Variants in BTBD10 observed in about 807,000 individuals in gnomAD.
BTBD10 encodes BTB domain containing 10, also known as BTB/POZ domain-containing protein 10.
BTBD10 carries 21 observed loss-of-function variants against 53.2 expected under a neutral mutation model. The ratio of observed to expected loss-of-function variants is 0.39; its 90% CI spans 0.28 to 0.57. The LOEUF is 0.57. BTBD10 is among the 20% of genes least tolerant of loss of function. The pLI, the probability that BTBD10 is intolerant of heterozygous loss-of-function variation, is 0.53. For synonymous variants in BTBD10, 149 were observed against 192.7 expected, an observed-to-expected ratio of 0.77 and a Z score of 1.88; for missense variants, 360 against 594.7, an observed-to-expected ratio of 0.61 and a Z score of 4.10.
In BTBD10 at chr11:13,455,988, C is replaced by T. The variant is rs542940090; in HGVS notation, c.-58+7104G>A. 2.4e-4 allele frequency among the ~76,000 whole-genome samples: 37 copies of T among 152,188 alleles called. No individual in the cohort carries two copies. In the South Asian group the frequency reaches 5.0e-3, roughly 20 times the overall value. On this transcript the variant is annotated intron_variant, in intron 1 of 8. Coordinates refer to ENST00000278174, the MANE Select transcript of BTBD10 (RefSeq NM_032320.7). Reference sequence around the variant, plus strand: ...AGACTGTAGCACTCACTGCTCAGCGCGACTTTCCATTATCACAACAGTGTG... The same window carrying T: ...AGACTGTAGCACTCACTGCTCAGCGTGACTTTCCATTATCACAACAGTGTG...
At chr11:13,457,781 T>C (rs978556946) in intron 1 of BTBD10, among the ~76,000 whole-genome samples, 1 of 152,174 alleles carries the variant, frequency 6.6e-6, no homozygotes, top group Non-Finnish European at 1.5e-5. Context: ...GTGTATGTAA[T>C]ATTCATATGT....
At chr11:13,433,208 G>T (rs1229081617) in intron 2 of BTBD10, among the ~76,000 whole-genome samples, 1 of 152,060 alleles carries the variant, frequency 6.6e-6, no homozygotes, top group African/African-American at 2.4e-5. Context: ...TCCAAGGCAG[G>T]CCTTAGAAAC....
chr11:13,429,561 A>G (rs893456071), intron 2 of BTBD10, among the ~76,000 whole-genome samples: 3 of 152,016 alleles, frequency 2.0e-5, no homozygotes, highest in African/African-American at 7.2e-5. Context: ...TTTTCATCAA[A>G]TGGTGCTGGA....
chr11:13,431,028 C>A (rs578094073), intron 2 of BTBD10, among the ~76,000 whole-genome samples: 21 of 149,076 alleles, frequency 1.4e-4, no homozygotes, highest in Admixed American at 3.4e-4. Context: ...GCAAATTGTA[C>A]ACCAGAATTG....
chr11:13,424,414 A>G (rs1057401396), intron 2 of BTBD10, among the ~76,000 whole-genome samples: 1 of 152,232 alleles, frequency 6.6e-6, no homozygotes, highest in Non-Finnish European at 1.5e-5. Flanking sequence ...ATACACTTTC[A>G]TATTTTCTTT....
At chr11:13,411,656 A>C (rs1949948316) in intron 6 of BTBD10, among the ~76,000 whole-genome samples, 1 of 152,208 alleles carries the variant, frequency 6.6e-6, no homozygotes. Flanking sequence ...AACTACGCAC[A>C]ACAAAAGATT....
intron 2 of BTBD10, among the ~76,000 whole-genome samples, chr11:13,442,431 A>C (rs1173959760): frequency 6.6e-6 from 1 of 152,172 alleles, no homozygotes; most frequent in Non-Finnish European, 1.5e-5. Context: ...TGCTATTTAC[A>C]AGTTGGATGG....
At chr11:13,418,308 A>G (rs1950165314) in intron 4 of BTBD10, among the ~76,000 whole-genome samples, 1 of 152,104 alleles carries the variant, frequency 6.6e-6, no homozygotes, top group African/African-American at 2.4e-5. Context: ...AAAAGAAGAT[A>G]CTCTTTCAGG....
chr11:13,439,525 A>G (rs1159429931), intron 2 of BTBD10, among the ~76,000 whole-genome samples: 1 of 152,122 alleles, frequency 6.6e-6, no homozygotes, highest in Non-Finnish European at 1.5e-5. Flanking sequence ...GAAAATTTCA[A>G]TTATTTCATT....
At chr11:13,439,775 A>T (rs557554421) in intron 2 of BTBD10, 515 of 843,426 alleles carry the variant, frequency 6.1e-4, no homozygotes, top group Non-Finnish European at 7.9e-4. Flanking sequence ...AGTCATGTAA[A>T]TGATCATAAT....
rs188234527 is a variant in BTBD10 at position 13,413,996 on chromosome 11, C to T, written c.688-346G>A. 5.9e-5 allele frequency among the ~76,000 whole-genome samples: 9 copies of T among 152,200 alleles called. No homozygotes were observed. The East Asian group carries it at 7.7e-4, about 13-fold the overall frequency. On this transcript the variant is annotated intron_variant, in intron 5 of 8. Transcript: ENST00000278174. ...TTTCCTTCTACAAGTTATATTTCTA[C>T]GAAACCATCATAAAGTTTTAAACAT...
chr11:13,406,541 T>A (rs1315833998), intron 6 of BTBD10, among the ~76,000 whole-genome samples: 1 of 150,474 alleles, frequency 6.6e-6, no homozygotes, highest in East Asian at 2.0e-4. Context: ...GAAGCAACCA[T>A]GGCAACCATA....
rs757386788 is a variant in BTBD10, at chr11:13,445,082, G to A, written c.43C>T (p.Pro15Ser). The A allele has an allele frequency of 3.1e-6, 5 of 1,613,196 alleles. No homozygotes were observed. Among genetic ancestry groups the A allele is most frequent in the Non-Finnish European group, 4.2e-6 (5 of 1,179,406 alleles). The change falls in exon 2 of 9, where the codon CCA becomes TCA. Residue 15 changes from proline (P) to serine (S), a missense_variant. By Grantham distance (74) the Pro-to-Ser change is moderately conservative. Transcript: ENST00000278174. ...TGCAATTTCCGATCCCAATTCTCTG[G>A]ATCACTGGAGTTACCATCATAGGGA... ...PHPYDGNSSDPENWDRKLHSR... is the reference protein window; with the variant it reads ...PHPYDGNSSDSENWDRKLHSR...
chr11:13,449,973 A>T lies in BTBD10; in HGVS notation c.-57-4792T>A, dbSNP rs191029562. 2.1e-3 allele frequency among the ~76,000 whole-genome samples: 319 copies of T among 152,334 alleles called. 2 individuals are homozygous for T. The highest frequency in any genetic ancestry group is 2.9e-3 in the Non-Finnish European group (199 of 68,026). ...CATGGATTTTTGGGGACACAGTCAA[A>T]CCATAGCACACTCTAAATAGTGTCA... On this transcript the variant is annotated intron_variant, in intron 1 of 8. Coordinates refer to ENST00000278174, the MANE Select transcript of BTBD10 (RefSeq NM_032320.7).
Position 13,440,213 on chromosome 11 carries a change from T to G in BTBD10, c.101+4811A>C, listed in dbSNP as rs183313981. Reference sequence around the variant, plus strand: ...CCTCTACATATTAATTCAGTTTATTTTCTCACAGACACTGACTCAGCCGTG... The same window carrying G: ...CCTCTACATATTAATTCAGTTTATTGTCTCACAGACACTGACTCAGCCGTG... On this transcript the variant is annotated intron_variant, in intron 2 of 8. Transcript: ENST00000278174. The G allele has an allele frequency of 3.0e-6, 4 of 1,355,914 alleles. No homozygotes were observed. The African/African-American group carries it at 5.9e-5, about 20-fold the overall frequency. The allele number at this position is 1,355,914 out of a possible 1,614,324, so 84.0% of individuals were successfully genotyped here.
At chr11:13,462,421 G>A (rs990354786) in intron 1 of BTBD10, among the ~76,000 whole-genome samples, 1 of 152,158 alleles carries the variant, frequency 6.6e-6, no homozygotes, top group African/African-American at 2.4e-5. Context: ...TTTCATCATG[G>A]ACTCAGAATA....
intron 8 of BTBD10, among the ~76,000 whole-genome samples, chr11:13,402,444 G>T (rs1229318484): frequency 2.0e-5 from 3 of 152,192 alleles, no homozygotes; most frequent in South Asian, 2.1e-4. Context: ...CTGAGGCACA[G>T]AATTTTTAAG....
chr11:13,398,411 C>T (rs1282438400), intron 8 of BTBD10, among the ~76,000 whole-genome samples: 1 of 152,084 alleles, frequency 6.6e-6, no homozygotes, highest in Non-Finnish European at 1.5e-5. Context: ...CTTCCTCCAT[C>T]CCTTTATTTT....
chr11:13,425,348 A>G (rs2133980689), intron 2 of BTBD10, among the ~76,000 whole-genome samples: 1 of 152,342 alleles, frequency 6.6e-6, no homozygotes, highest in Admixed American at 6.5e-5. Flanking sequence ...GCTAAATCCT[A>G]AAGCAAAGCT....
Sources: gnomAD v4.1 joint callset for allele counts (sites outside exome capture counted in the v4.1 genomes callset) on GRCh38, gnomAD v4.1.1 for gene constraint, MANE v1.5 for transcripts, NCBI Gene and HGNC (gene_info 2026-07-23, HGNC 2026-07-21) for gene names.